The following AMPH variants were observed in gnomAD, a reference collection of about 807,000 sequenced individuals.
AMPH encodes the protein amphiphysin (Stiff-Mann syndrome with breast cancer 128kD autoantigen).
In AMPH, 49 loss-of-function variants were observed where a neutral mutation model predicts 99.1. That is an observed-to-expected ratio of 0.49 (90% CI 0.39 to 0.63). AMPH has a LOEUF of 0.63. Among genes scored for constraint, AMPH ranks in the 20% least tolerant of loss-of-function variants. The pLI, the probability that AMPH is intolerant of heterozygous loss-of-function variation, is 0.00. For missense variants in AMPH, 759 were observed against 863.4 expected, an observed-to-expected ratio of 0.88 and a Z score of 1.52; for synonymous variants, 314 against 317.3, an observed-to-expected ratio of 0.99 and a Z score of 0.11.
intron 17 of AMPH, among the ~76,000 whole-genome samples, chr7:38,401,437 G>A (rs1389639006): frequency 2.0e-5 from 3 of 152,112 alleles, no homozygotes; most frequent in African/African-American, 7.2e-5. Flanking sequence ...CTTGATTTGA[G>A]TCATCTTCCA....
At chr7:38,468,117 A>G (rs950039133) in intron 7 of AMPH, among the ~76,000 whole-genome samples, 7 of 152,210 alleles carry the variant, frequency 4.6e-5, no homozygotes, top group African/African-American at 1.4e-4. Flanking sequence ...ACTGATGTTC[A>G]CCGTCAGACT....
intron 1 of AMPH, among the ~76,000 whole-genome samples, chr7:38,612,910 T>C (rs1042551980): frequency 2.0e-4 from 31 of 152,326 alleles, no homozygotes; most frequent in African/African-American, 6.7e-4. Context: ...TAAAAGCATA[T>C]AAATATAGCC....
At chr7:38,616,605 A>G (rs1296419643) in intron 1 of AMPH, among the ~76,000 whole-genome samples, 1 of 152,236 alleles carries the variant, frequency 6.6e-6, no homozygotes, top group East Asian at 1.9e-4. Context: ...TAACAGGTGA[A>G]GAATGGGTAA....
intron 17 of AMPH, among the ~76,000 whole-genome samples, chr7:38,409,772 T>G (rs1416963853): frequency 6.6e-6 from 1 of 152,206 alleles, no homozygotes; most frequent in East Asian, 1.9e-4. Flanking sequence ...CTCCATCACT[T>G]TCTTCAAAAA....
chr7:38,612,924 A>T (rs1329088226), intron 1 of AMPH, among the ~76,000 whole-genome samples: 1 of 152,328 alleles, frequency 6.6e-6, no homozygotes, highest in East Asian at 1.9e-4. Context: ...TATAGCCCTA[A>T]TTTGCCACCT....
At chr7:38,538,463 T>C (rs1390642960) in intron 1 of AMPH, among the ~76,000 whole-genome samples, 2 of 152,072 alleles carry the variant, frequency 1.3e-5, no homozygotes, top group Admixed American at 6.5e-5. Flanking sequence ...GGTGGCATGA[T>C]AGGCAGAGGA....
At chr7:38,485,456 T>C (rs887066548) in intron 5 of AMPH, among the ~76,000 whole-genome samples, 3 of 151,932 alleles carry the variant, frequency 2.0e-5, no homozygotes, top group African/African-American at 7.2e-5. Context: ...TCTATATATG[T>C]AAAGCAAAAT....
At chr7:38,517,206 A>C (rs886428786) in intron 2 of AMPH, among the ~76,000 whole-genome samples, 1 of 152,180 alleles carries the variant, frequency 6.6e-6, no homozygotes, top group African/African-American at 2.4e-5. Flanking sequence ...CCAGAGAAGG[A>C]ATGATATGGT....
intron 2 of AMPH, among the ~76,000 whole-genome samples, chr7:38,509,456 G>C (rs1789456239): frequency 6.6e-6 from 1 of 152,134 alleles, no homozygotes; most frequent in African/African-American, 2.4e-5. Context: ...ATAATCATAT[G>C]TACAATCTCT....
chr7:38,579,910 C>A (rs562963391), intron 1 of AMPH, among the ~76,000 whole-genome samples: 2 of 152,150 alleles, frequency 1.3e-5, no homozygotes, highest in East Asian at 3.9e-4. Flanking sequence ...AGAAAATGTA[C>A]ACAATGTTCG....
chr7:38,551,995 G>C (rs1039187896), intron 1 of AMPH, among the ~76,000 whole-genome samples: 4 of 152,152 alleles, frequency 2.6e-5, no homozygotes, highest in African/African-American at 9.7e-5. Flanking sequence ...TACATAACTA[G>C]TTGGAAAAAC....
chr7:38,532,611 C>G (rs1298396567), intron 2 of AMPH, among the ~76,000 whole-genome samples: 1 of 152,060 alleles, frequency 6.6e-6, no homozygotes, highest in African/African-American at 2.4e-5. Flanking sequence ...AGTTTAAAGT[C>G]ACCACATGCT....
intron 2 of AMPH, among the ~76,000 whole-genome samples, chr7:38,508,454 AAAAG>A (rs1482738146): frequency 1.3e-5 from 2 of 152,254 alleles, no homozygotes; most frequent in African/African-American, 4.8e-5. Context: ...TATAAAAAGA[AAAAG>A]AAAGACAAGA....
At chr7:38,605,392 T>G (rs547525869) in intron 1 of AMPH, among the ~76,000 whole-genome samples, 1 of 152,280 alleles carries the variant, frequency 6.6e-6, no homozygotes, top group East Asian at 1.9e-4. Flanking sequence ...TACTTTGCCT[T>G]TGGGCCCCTT....
At chr7:38,482,266 A>G (rs1001294692) in intron 5 of AMPH, among the ~76,000 whole-genome samples, 2 of 152,106 alleles carry the variant, frequency 1.3e-5, no homozygotes, top group Admixed American at 1.3e-4. Flanking sequence ...TCCATGATAC[A>G]TAGAAAACCT....
chr7:38,554,676 A>C (rs1365286785), intron 1 of AMPH, among the ~76,000 whole-genome samples: 2 of 152,238 alleles, frequency 1.3e-5, no homozygotes, highest in Admixed American at 1.3e-4. Flanking sequence ...CCAACTCAAA[A>C]TTTCCAGACA....
At chr7:38,388,818 A>T (rs6971753) in intron 20 of AMPH, among the ~76,000 whole-genome samples, 109,813 of 151,716 alleles carry the variant, frequency 0.72, 40,045 homozygotes, top group African/African-American at 0.77. Flanking sequence ...TAAAAAAAAA[A>T]TTTTTTGTAG....
intron 2 of AMPH, among the ~76,000 whole-genome samples, chr7:38,516,115 T>C (rs1789729204): frequency 6.6e-6 from 1 of 152,198 alleles, no homozygotes; most frequent in Non-Finnish European, 1.5e-5. Context: ...GGCCATGTGG[T>C]AGAAAAGAAA....
At chr7:38,486,283 A>C (rs974943212) in intron 5 of AMPH, among the ~76,000 whole-genome samples, 2 of 151,930 alleles carry the variant, frequency 1.3e-5, no homozygotes, top group Non-Finnish European at 1.5e-5. Context: ...ATAGAAATAA[A>C]AAGGTTAAGA....
Sources: gnomAD v4.1 joint callset for allele counts (sites outside exome capture counted in the v4.1 genomes callset) on GRCh38, gnomAD v4.1.1 for gene constraint, MANE v1.5 for transcripts, NCBI Gene and HGNC (gene_info 2026-07-23, HGNC 2026-07-21) for gene names.